Variants in UBE3D observed in about 807,000 individuals in gnomAD.
UBE3D encodes the protein E3 ubiquitin-protein ligase E3D.
In UBE3D, 48 loss-of-function variants were observed where a neutral mutation model predicts 49.6. That is an observed-to-expected ratio of 0.97 (90% confidence interval 0.77 to 1.23). UBE3D has a LOEUF of 1.23. Ranked by LOEUF, UBE3D falls within the 50% of genes most tolerant of loss-of-function variation. The pLI is 0.00. For missense variants in UBE3D, 452 were observed against 468.4 expected (o/e 0.96, Z 0.32); for synonymous variants, 189 against 174.2 (o/e 1.08, Z -0.67).
chr6:82,921,037 C>A (rs953733267), intron 9 of UBE3D, among the ~76,000 whole-genome samples: 1 of 149,864 alleles, frequency 6.7e-6, no homozygotes, highest in African/African-American at 2.5e-5. Flanking sequence ...GTCACTGCAA[C>A]CTTAACTGCC....
chr6:83,050,492 C>A (rs1417432046), intron 3 of UBE3D, among the ~76,000 whole-genome samples: 1 of 152,190 alleles, frequency 6.6e-6, no homozygotes, highest in Non-Finnish European at 1.5e-5. Context: ...CTCTGTTCCC[C>A]TGCTCCTACA....
At chr6:83,033,090 C>T (rs973334885) in intron 5 of UBE3D, among the ~76,000 whole-genome samples, 2 of 152,084 alleles carry the variant, frequency 1.3e-5, no homozygotes, top group Non-Finnish European at 2.9e-5. Flanking sequence ...TGGTAAGGAC[C>T]TTGGGAACCT....
chr6:83,039,436 T>C (rs1782492594), intron 4 of UBE3D, among the ~76,000 whole-genome samples: 2 of 152,084 alleles, frequency 1.3e-5, no homozygotes, highest in African/African-American at 4.8e-5. Context: ...TCCTGAAAAA[T>C]TGAATAAAAA....
At chr6:82,893,133 G>T in intron 9 of UBE3D, 91 bp from the exon 10 acceptor site, 2 of 1,450,930 alleles carry the variant, frequency 1.4e-6, no homozygotes, top group Admixed American at 3.4e-5. Flanking sequence ...GTTAAGTCTG[G>T]TCAATAAGAT....
chr6:83,047,976 G>A (rs541818553), intron 3 of UBE3D, among the ~76,000 whole-genome samples: 10 of 151,226 alleles, frequency 6.6e-5, no homozygotes, highest in South Asian at 4.2e-4. Flanking sequence ...CAGCTACTCC[G>A]GAGGCTGAGG....
chr6:83,053,226 A>C (rs1020893231), intron 3 of UBE3D, among the ~76,000 whole-genome samples: 2 of 29,228 alleles, frequency 6.8e-5, no homozygotes, highest in Non-Finnish European at 1.6e-4. Context: ...CTCCAGAGGG[A>C]GGAACTTCTG....
intron 8 of UBE3D, among the ~76,000 whole-genome samples, chr6:82,974,362 C>T (rs1362799065): frequency 6.6e-6 from 1 of 152,026 alleles, no homozygotes; most frequent in Admixed American, 6.6e-5. Flanking sequence ...CAGGACCCCC[C>T]ACAACAACCT....
chr6:82,886,509 G>T, the UBE3D span, among the ~76,000 whole-genome samples: 3 of 152,188 alleles, frequency 2.0e-5, no homozygotes, highest in African/African-American at 7.2e-5. Context: ...ATAGCCCGGG[G>T]GTTGGAGACC....
At chr6:82,947,746 A>T (rs1775511752) in intron 9 of UBE3D, among the ~76,000 whole-genome samples, 1 of 152,074 alleles carries the variant, frequency 6.6e-6, no homozygotes, top group South Asian at 2.1e-4. Context: ...CATGGAAATT[A>T]ACAATATGCT....
chr6:82,980,884 A>G (rs1456974271), intron 8 of UBE3D, among the ~76,000 whole-genome samples: 1 of 151,946 alleles, frequency 6.6e-6, no homozygotes, highest in Non-Finnish European at 1.5e-5. Context: ...GTGACTTTTT[A>G]TCTAGATTCT....
chr6:83,031,179 T>C (rs1473785840), intron 5 of UBE3D, among the ~76,000 whole-genome samples: 2 of 152,128 alleles, frequency 1.3e-5, no homozygotes. Flanking sequence ...GGCTAATATT[T>C]GTATTTTTTG....
intron 9 of UBE3D, among the ~76,000 whole-genome samples, chr6:82,919,597 AAAAATAAAATAAAAT>A (rs542751258): frequency 6.6e-6 from 1 of 151,882 alleles, no homozygotes; most frequent in Non-Finnish European, 1.5e-5. Flanking sequence ...CTCAGTCTCA[AAAAATAAAATAAAAT>A]AAAATAAAAT....
At chr6:82,951,342 TG>T (rs916655346) in intron 9 of UBE3D, among the ~76,000 whole-genome samples, 12 of 152,194 alleles carry the variant, frequency 7.9e-5, no homozygotes, top group African/African-American at 2.9e-4. Context: ...GTCATTAACC[TG>T]GGGCTATGTC....
intron 9 of UBE3D, among the ~76,000 whole-genome samples, chr6:82,919,487 C>T (rs1199058726): frequency 6.6e-6 from 1 of 151,572 alleles, no homozygotes; most frequent in Non-Finnish European, 1.5e-5. Flanking sequence ...GCCTGTAGTC[C>T]CAGGTACTTG....
intron 8 of UBE3D, among the ~76,000 whole-genome samples, chr6:83,016,372 T>C (rs1030859965): frequency 6.6e-6 from 1 of 152,170 alleles, no homozygotes; most frequent in Non-Finnish European, 1.5e-5. Context: ...ATGTATGTAT[T>C]TTGCATAACT....
At chr6:82,936,042 A>T (rs1774547111) in intron 9 of UBE3D, among the ~76,000 whole-genome samples, 1 of 152,046 alleles carries the variant, frequency 6.6e-6, no homozygotes, top group South Asian at 2.1e-4. Context: ...AGTAATGGGG[A>T]AATGTGGGAT....
chr6:82,988,183 G>T (rs10943920), intron 8 of UBE3D, among the ~76,000 whole-genome samples: 1 of 152,022 alleles, frequency 6.6e-6, no homozygotes, highest in Non-Finnish European at 1.5e-5. Flanking sequence ...TTTCAGACAC[G>T]TTTCTTCTGG....
chr6:83,001,448 A>G (rs1393282303), intron 8 of UBE3D, among the ~76,000 whole-genome samples: 1 of 152,174 alleles, frequency 6.6e-6, no homozygotes, highest in Non-Finnish European at 1.5e-5. Flanking sequence ...GATTCTTACA[A>G]TTCAGCTTCT....
intron 9 of UBE3D, among the ~76,000 whole-genome samples, chr6:82,934,646 A>C (rs1774417802): frequency 6.6e-6 from 1 of 151,996 alleles, no homozygotes; most frequent in South Asian, 2.1e-4. Flanking sequence ...AAACACATGA[A>C]GACATCTAAT....
Sources: allele counts gnomAD v4.1 joint callset (sites outside exome capture counted in the v4.1 genomes callset), GRCh38; gene constraint gnomAD v4.1.1; transcripts MANE v1.5; gene names NCBI Gene and HGNC (gene_info 2026-07-23, HGNC 2026-07-21).